The following TNXB variants were observed in gnomAD, a reference collection of about 807,000 sequenced individuals.
TNXB encodes tenascin XB, also known as tenascin-X.
TNXB carries 183 observed loss-of-function variants against 340.5 expected under a neutral mutation model. The ratio of observed to expected loss-of-function variants is 0.54; its 90% CI spans 0.48 to 0.61. The LOEUF is 0.61. Ranked by LOEUF, TNXB falls within the 20% of genes least tolerant of loss-of-function variation. The pLI, the probability that TNXB is intolerant of heterozygous loss-of-function variation, is 0.00. For missense variants in TNXB, 4,613 were observed against 5,446.4 expected (o/e 0.85, Z 4.82); for synonymous variants, 2,121 against 2,314.5 (o/e 0.92, Z 2.40).
rs757484516 is a variant in TNXB, at chr6:32,097,957, G to A, written c.242C>T (p.Pro81Leu). 4 of 1,601,508 alleles carry A rather than the reference G, an allele frequency of 2.5e-6. No individual in the cohort carries two copies. The African/African-American group carries it at 4.0e-5, about 16-fold the overall frequency. The change falls in exon 2 of 44, where the codon CCT (proline) becomes CTT (leucine). Residue 81 changes from proline to leucine, a missense_variant. Pro to Leu is a moderately conservative substitution (Grantham distance 98, BLOSUM62 -3). Coordinates refer to ENST00000644971, the MANE Select transcript of TNXB (RefSeq NM_001365276.2). This position sits in a 1 kb window ranked among gnomAD's most constrained non-coding sequence, Gnocchi z 5.9. ...TGGGGGACAGCCACAGCCAGTGGAA[G>A]GGGGCAGGTTAATGCGGTGGGTGAA... ...VVFTHRINLP[P>L]STGCGCPPGT...
At position 32,061,380 on chromosome 6, in the gene TNXB, C is replaced by T. The variant is rs1311027684; in HGVS notation, c.7492+17G>A. Reference sequence around the variant, plus strand: ...TGAGGGAAAGGTGGTTACCCCGAGACTCCAAGCACTACTCACCAGTCACGC... The same window carrying T: ...TGAGGGAAAGGTGGTTACCCCGAGATTCCAAGCACTACTCACCAGTCACGC... On this transcript the variant is annotated intron_variant, in intron 21 of 43. Transcript: ENST00000644971. This position sits in a 1 kb window ranked among gnomAD's most constrained non-coding sequence, Gnocchi z 4.4. 4 of 1,608,154 alleles carry T rather than the reference C, an allele frequency of 2.5e-6. No homozygotes were observed. The highest frequency in any genetic ancestry group is 3.4e-6 in the Non-Finnish European group (4 of 1,176,588).
Position 32,064,698 on chromosome 6 carries a change from C to T in TNXB, c.6841+123G>A. 7.4e-7 allele frequency: 1 copy of T among 1,358,174 alleles called. No individual in the cohort carries two copies. The highest frequency in any genetic ancestry group is 2.7e-4 in the Middle Eastern group (1 of 3,760). The allele number at this position is 1,358,174 out of a possible 1,614,324, so 84.1% of individuals were successfully genotyped here. On this transcript the variant is annotated intron_variant, in intron 19 of 43. Transcript: ENST00000644971. The surrounding 1 kb of genome is among the most constrained non-coding windows in gnomAD (Gnocchi z 5.3). The stretch of plus-strand genomic sequence containing the variant: ...TCTCGGAGTGAAGGCACCAGCAGAA[C>T]CATTCCCAGGAGCTTGGGAGGCTTG...
chr6:32,097,496 G>C lies in TNXB; in HGVS notation c.404-47C>G. ...AAGTCTCAGTCTCTCTCCTGGGAGA[G>C]AGGCTGAGCCTATGTAGTGCTCCTA... On this transcript the variant is annotated intron_variant, in intron 2 of 43. Transcript: ENST00000644971. This position sits in a 1 kb window ranked among gnomAD's most constrained non-coding sequence, Gnocchi z 5.9. The C allele has an allele frequency of 1.3e-6, 2 of 1,557,074 alleles. No individual in the cohort carries two copies. The highest frequency in any genetic ancestry group is 1.7e-6 in the Non-Finnish European group (2 of 1,155,064).
rs569074988 is a variant in TNXB, at chr6:32,071,074, C to T, written c.4991-660G>A. 1.3e-3 allele frequency among the ~76,000 whole-genome samples: 201 copies of T among 152,306 alleles called. 1 individual carries two copies. The highest frequency in any genetic ancestry group is 4.7e-3 in the African/African-American group (194 of 41,576). ...AGCCATCCCAGGGCTTGAGAAGGAG[C>T]TGGCCTGCTGCCTTCCTGGACGGTG... On this transcript the variant is annotated intron_variant, in intron 13 of 43. Coordinates refer to ENST00000644971, the MANE Select transcript of TNXB (RefSeq NM_001365276.2).
intron 1 of TNXB, among the ~76,000 whole-genome samples, chr6:32,098,588 C>T (rs1246056828): frequency 6.6e-6 from 1 of 152,120 alleles, no homozygotes; most frequent in Admixed American, 6.6e-5. Context: ...CCAAGCGATT[C>T]TCCTGCCTCA....
In TNXB at chr6:32,097,578, T is replaced by C; in HGVS notation, c.404-129A>G. ...TCATAAGGCCATGTCTGCTCCCAGT[T>C]GCTAGTATGTGTAATGTATGCAGCC... is the stretch of plus-strand genomic sequence containing the variant. On this transcript the variant is annotated intron_variant, in intron 2 of 43. Coordinates refer to ENST00000644971, the MANE Select transcript of TNXB (RefSeq NM_001365276.2). The surrounding 1 kb of genome is among the most constrained non-coding windows in gnomAD (Gnocchi z 5.9). 1.6e-6 allele frequency: 2 copies of C among 1,227,396 alleles called. No individual in the cohort carries two copies. Among genetic ancestry groups the C allele is most frequent in the East Asian group, 2.5e-5 (1 of 40,178 alleles). The allele number at this position is 1,227,396 out of a possible 1,614,324, so 76.0% of individuals were successfully genotyped here. A position where few individuals can be genotyped will look rare whatever the true frequency, so the allele number is the denominator to read the frequency against.
chr6:32,066,450 T>A (rs1778345230), intron 18 of TNXB, among the ~76,000 whole-genome samples: 1 of 152,208 alleles, frequency 6.6e-6, no homozygotes, highest in Non-Finnish European at 1.5e-5. Context: ...GTAAGTATAG[T>A]ACTTCTACAT....
In TNXB at chr6:32,050,338, G is replaced by A. The variant is rs776304546; in HGVS notation, c.9116-17C>T. The A allele has an allele frequency of 1.1e-5, 18 of 1,608,832 alleles. No homozygotes were observed. Among genetic ancestry groups the A allele is most frequent in the Non-Finnish European group, 1.5e-5 (18 of 1,176,362 alleles). ...CCTTTGGAGCTGGACAGACACGTGT[G>A]GGGACAGTGAGGACCCTGGGTTCTC... On this transcript the variant is annotated splice_polypyrimidine_tract_variant and intron_variant, in intron 26 of 43. Coordinates refer to ENST00000644971, the MANE Select transcript of TNXB (RefSeq NM_001365276.2).
In TNXB at chr6:32,068,693, TCTC is replaced by T. The variant is rs1473038786; in HGVS notation, c.5914_5916del (p.Glu1972del). The T allele has an allele frequency of 2.5e-6, 4 of 1,613,040 alleles. No homozygotes were observed. The highest frequency in any genetic ancestry group is 1.6e-4 in the Middle Eastern group (1 of 6,062). ...GTTGCGGTGGGAGGTTCTGAAGGCT[TCTC>T]CTCCTCCGGGACTGGACAGAGACAT... On this transcript the variant is annotated inframe_deletion, in exon 17 of 44. Coordinates refer to ENST00000644971, the MANE Select transcript of TNXB (RefSeq NM_001365276.2). The surrounding 1 kb of genome is among the most constrained non-coding windows in gnomAD (Gnocchi z 5.3).
In TNXB at chr6:32,064,587, T is replaced by A. The variant is rs538604530; in HGVS notation, c.6841+234A>T. On this transcript the variant is annotated intron_variant, in intron 19 of 43. Transcript: ENST00000644971. The surrounding 1 kb of genome is among the most constrained non-coding windows in gnomAD (Gnocchi z 5.3). Reference sequence around the variant, plus strand: ...ATGGTCAACCCCAGGTGTGCCTCAGTCTGTGTTATTTTCCTGGTCCCCCAC... The same window carrying A: ...ATGGTCAACCCCAGGTGTGCCTCAGACTGTGTTATTTTCCTGGTCCCCCAC... Among the ~76,000 whole-genome samples, 9 of 152,196 alleles carry A rather than the reference T, an allele frequency of 5.9e-5. No homozygotes were observed. The highest frequency in any genetic ancestry group is 2.1e-4 in the South Asian group (1 of 4,806).
chr6:32,073,634 C>T lies in TNXB; in HGVS notation c.4681+13G>A, dbSNP rs1167932183. ...GTAACCAGAGATGAGGACTGAGTCC[C>T]CCCATTACTCACCCGTCACGATGAC... On this transcript the variant is annotated intron_variant, in intron 12 of 43. Coordinates refer to ENST00000644971, the MANE Select transcript of TNXB (RefSeq NM_001365276.2). This position sits in a 1 kb window ranked among gnomAD's most constrained non-coding sequence, Gnocchi z 4.6. The T allele has an allele frequency of 1.2e-6, 2 of 1,602,094 alleles. No individual in the cohort carries two copies. Among genetic ancestry groups the T allele is most frequent in the Admixed American group, 1.7e-5 (1 of 59,776 alleles).
At position 32,055,822 on chromosome 6, in the gene TNXB, G is replaced by C; in HGVS notation, c.8467+29C>G. On this transcript the variant is annotated intron_variant, in intron 24 of 43. Coordinates refer to ENST00000644971, the MANE Select transcript of TNXB (RefSeq NM_001365276.2). ...TTGCAGAGAAAGCAACATCTTCTAG[G>C]GCCATCTTCCTCACTCACAAACACT... is the stretch of plus-strand genomic sequence containing the variant. 4.4e-6 allele frequency: 7 copies of C among 1,593,276 alleles called. No individual in the cohort carries two copies. The East Asian group carries it at 6.8e-5, about 15-fold the overall frequency.
intron 40 of TNXB, 37 bp from the exon 41 acceptor site, chr6:32,042,399 C>T: frequency 1.3e-6 from 2 of 1,595,960 alleles, no homozygotes; most frequent in Non-Finnish European, 1.7e-6. Flanking sequence ...GCCTCTGGCT[C>T]CCGGGGCAAC....
chr6:32,067,135 GAAA>G lies in TNXB; in HGVS notation c.6544+523_6544+525del, dbSNP rs71821938. ...AAAGAGAAAGAAAGAAAGGAAGGAA[GAAA>G]GAAAGAAAGAAAGAAAGAAAGAAAG... is the stretch of plus-strand genomic sequence containing the variant. On this transcript the variant is annotated intron_variant, in intron 18 of 43. Coordinates refer to ENST00000644971, the MANE Select transcript of TNXB (RefSeq NM_001365276.2). This position sits in a 1 kb window ranked among gnomAD's most constrained non-coding sequence, Gnocchi z 4.2. Among the ~76,000 whole-genome samples, 587 of 106,286 alleles carry G rather than the reference GAAA, an allele frequency of 5.5e-3. 13 individuals are homozygous for G. The East Asian group carries it at 0.069, about 12-fold the overall frequency. The allele number at this position is 106,286 out of a possible 152,430, so 69.7% of individuals were successfully genotyped here.
rs776883744 is a variant in TNXB at position 32,070,353 on chromosome 6, G to A, written c.5052C>T (p.Asp1684=). 6.2e-7 allele frequency: 1 copy of A among 1,608,500 alleles called. No individual in the cohort carries two copies. Among genetic ancestry groups the A allele is most frequent in the Non-Finnish European group, 8.5e-7 (1 of 1,178,048 alleles). Residue 1684 remains aspartate (D), a synonymous_variant, in exon 14 of 44, where the codon GAC becomes GAT. Coordinates refer to ENST00000644971, the MANE Select transcript of TNXB (RefSeq NM_001365276.2). The surrounding 1 kb of genome is among the most constrained non-coding windows in gnomAD (Gnocchi z 6.0). ...PPRLGELWVT[D]PTPDSLRLSW... ...AGAGGCGCAGTGAGTCTGGGGTGGG[G>A]TCTGTCACCCACAGCTCCCCAAGGC... is the stretch of plus-strand genomic sequence containing the variant.
At chr6:32,099,683 A>G (rs557763888) in intron 1 of TNXB, among the ~76,000 whole-genome samples, 3 of 149,168 alleles carry the variant, frequency 2.0e-5, no homozygotes, top group Non-Finnish European at 4.5e-5. Context: ...TTTTTATTCA[A>G]CTCCTCACTC....
In TNXB at chr6:32,049,828, G is replaced by A. The variant is rs1311500428; in HGVS notation, c.9439+170C>T. On this transcript the variant is annotated intron_variant, in intron 27 of 43. Transcript: ENST00000644971. This position sits in a 1 kb window ranked among gnomAD's most constrained non-coding sequence, Gnocchi z 4.5. ...TCCTGATGGCCCCTCCCTGCTCAGG[G>A]GGAGCCAGGGGTCAACCACATAGGA... Among the ~76,000 whole-genome samples, 2 of 152,148 alleles carry A rather than the reference G, an allele frequency of 1.3e-5. No individual in the cohort carries two copies. Among genetic ancestry groups the A allele is most frequent in the East Asian group, 3.9e-4 (2 of 5,176 alleles).
Position 32,079,449 on chromosome 6 carries a change from T to A in TNXB, c.4043-84A>T. On this transcript the variant is annotated intron_variant, in intron 10 of 43. Transcript: ENST00000644971. This position sits in a 1 kb window ranked among gnomAD's most constrained non-coding sequence, Gnocchi z 7.1. The stretch of plus-strand genomic sequence containing the variant: ...GACAGCCATGGAAATGCCCTTACGC[T>A]GTGGGCTCAGGGGCTCTGTAGCCTT... 1 of 1,176,062 alleles carries A rather than the reference T, an allele frequency of 8.5e-7. No individual in the cohort carries two copies. Among genetic ancestry groups the A allele is most frequent in the Non-Finnish European group, 1.2e-6 (1 of 840,794 alleles). The allele number at this position is 1,176,062 out of a possible 1,614,324, so 72.9% of individuals were successfully genotyped here.
Position 32,061,184 on chromosome 6 carries a change from A to G in TNXB, c.7492+213T>C, listed in dbSNP as rs1427274171. On this transcript the variant is annotated intron_variant, in intron 21 of 43. Coordinates refer to ENST00000644971, the MANE Select transcript of TNXB (RefSeq NM_001365276.2). This position sits in a 1 kb window ranked among gnomAD's most constrained non-coding sequence, Gnocchi z 4.4. Reference sequence around the variant, plus strand: ...GCTTGGTGTGCGCCTGACATATTTCACTCTTGGAGGTTATCAGTGGTTGAC... The same window carrying G: ...GCTTGGTGTGCGCCTGACATATTTCGCTCTTGGAGGTTATCAGTGGTTGAC... 6.6e-6 allele frequency among the ~76,000 whole-genome samples: 1 copy of G among 151,642 alleles called. No individual in the cohort carries two copies. The highest frequency in any genetic ancestry group is 2.4e-5 in the African/African-American group (1 of 41,012).
Sources: allele counts gnomAD v4.1 joint callset (sites outside exome capture counted in the v4.1 genomes callset), GRCh38; gene constraint gnomAD v4.1.1; non-coding constraint Gnocchi (gnomAD v3.1); transcripts MANE v1.5; gene names NCBI Gene and HGNC (gene_info 2026-07-23, HGNC 2026-07-21).